NBAS: variants seen among roughly 807,000 people sequenced by gnomAD.
NBAS encodes NBAS subunit of NRZ tethering complex, also known as NAG/BC035112 fusion.
NBAS carries 219 observed loss-of-function variants against 302.5 expected under a neutral mutation model. The ratio of observed to expected loss-of-function variants is 0.72; its 90% confidence interval spans 0.65 to 0.81. NBAS has a LOEUF of 0.81. Among genes scored for constraint, NBAS ranks in the 30% least tolerant of loss-of-function variants. The pLI is 0.00. For missense variants in NBAS, 2,932 were observed against 2,841.6 expected (o/e 1.03, Z -0.72); for synonymous variants, 1,118 against 1,021.6 (o/e 1.09, Z -1.80).
chr2:14,998,027 T>C, the NBAS span, among the ~76,000 whole-genome samples: 1 of 152,208 alleles, frequency 6.6e-6, no homozygotes, highest in East Asian at 1.9e-4. Flanking sequence ...GATGGTCTAT[T>C]CTTTACACCC....
chr2:15,436,868 G>C (rs1285721692), intron 21 of NBAS, among the ~76,000 whole-genome samples: 1 of 152,068 alleles, frequency 6.6e-6, no homozygotes, highest in East Asian at 1.9e-4. Context: ...GGAATACCTG[G>C]CATTTATTTA....
intron 31 of NBAS, among the ~76,000 whole-genome samples, chr2:15,368,626 C>T (rs925689347): frequency 1.6e-4 from 24 of 152,180 alleles, no homozygotes; most frequent in Admixed American, 6.5e-5. Context: ...ATTGCTAATA[C>T]CTACATCTGA....
At chr2:15,453,350 G>C (rs1679106091) in intron 21 of NBAS, among the ~76,000 whole-genome samples, 1 of 152,198 alleles carries the variant, frequency 6.6e-6, no homozygotes, top group African/African-American at 2.4e-5. Context: ...TTATCACACT[G>C]TTTTGCAACA....
chr2:15,088,258 T>C, the NBAS span, among the ~76,000 whole-genome samples: 3 of 152,114 alleles, frequency 2.0e-5, no homozygotes, highest in African/African-American at 7.2e-5. Context: ...ATGAAGGAAT[T>C]TGAACTCCAT....
At chr2:15,321,161 A>G (rs1198662106) in intron 38 of NBAS, among the ~76,000 whole-genome samples, 1 of 152,248 alleles carries the variant, frequency 6.6e-6, no homozygotes, top group Non-Finnish European at 1.5e-5. Context: ...TCCTTATTTA[A>G]CAAATGGTGC....
chr2:15,020,601 C>T, the NBAS span, among the ~76,000 whole-genome samples: 816 of 152,190 alleles, frequency 5.4e-3, 4 homozygotes, highest in Non-Finnish European at 9.3e-3. Flanking sequence ...TGGACCAAGA[C>T]GCAGAGGAAA....
the NBAS span, among the ~76,000 whole-genome samples, chr2:14,843,118 C>G: frequency 6.6e-6 from 1 of 152,116 alleles, no homozygotes; most frequent in Non-Finnish European, 1.5e-5. Context: ...AATTCAACAT[C>G]CTTTTATCAT....
At chr2:15,075,172 A>G in the NBAS span, among the ~76,000 whole-genome samples, 1 of 152,238 alleles carries the variant, frequency 6.6e-6, no homozygotes. Context: ...ATTTTTGGTA[A>G]GTGATGAGAT....
At chr2:15,353,038 A>G (rs943789700) in intron 34 of NBAS, among the ~76,000 whole-genome samples, 1 of 152,048 alleles carries the variant, frequency 6.6e-6, no homozygotes, top group African/African-American at 2.4e-5. Context: ...ATGGGATGAA[A>G]ATGTGAATTC....
At chr2:15,141,382 C>T in the NBAS span, among the ~76,000 whole-genome samples, 95 of 152,208 alleles carry the variant, frequency 6.2e-4, no homozygotes, top group Non-Finnish European at 1.0e-3. Flanking sequence ...AATCACAGCA[C>T]CCGTTTTACA....
At chr2:15,063,110 G>A in the NBAS span, among the ~76,000 whole-genome samples, 255 of 152,242 alleles carry the variant, frequency 1.7e-3, 1 homozygote, top group African/African-American at 5.7e-3. Context: ...CATCCTTCTC[G>A]TGGAGTGTGG....
chr2:14,905,097 C>T, the NBAS span, among the ~76,000 whole-genome samples: 1 of 152,164 alleles, frequency 6.6e-6, no homozygotes, highest in Non-Finnish European at 1.5e-5. Flanking sequence ...CTGTTCCAGG[C>T]GCACTGGCAG....
chr2:15,441,577 A>G (rs1395708117), intron 21 of NBAS, among the ~76,000 whole-genome samples: 3 of 151,782 alleles, frequency 2.0e-5, no homozygotes, highest in African/African-American at 7.3e-5. Context: ...GACCATCGAG[A>G]CTAGGAAGAA....
chr2:14,781,751 A>AAG, the NBAS span, among the ~76,000 whole-genome samples: 1 of 151,790 alleles, frequency 6.6e-6, no homozygotes, highest in Non-Finnish European at 1.5e-5. Context: ...TGTGACAAAA[A>AAG]AAAAAAAAAC....
chr2:15,075,719 T>C, the NBAS span, among the ~76,000 whole-genome samples: 2 of 152,054 alleles, frequency 1.3e-5, no homozygotes, highest in Non-Finnish European at 2.9e-5. Flanking sequence ...TGATATATTA[T>C]GTGTAGTATG....
At chr2:15,228,813 T>C (rs1667250849) in intron 47 of NBAS, among the ~76,000 whole-genome samples, 1 of 151,868 alleles carries the variant, frequency 6.6e-6, no homozygotes, top group African/African-American at 2.4e-5. Context: ...TTGCTGGGAG[T>C]TGGGGAGCAG....
the NBAS span, among the ~76,000 whole-genome samples, chr2:14,938,908 A>G: frequency 6.6e-6 from 1 of 152,262 alleles, no homozygotes; most frequent in Non-Finnish European, 1.5e-5. Flanking sequence ...AGCAGAGTGT[A>G]TGCTTCAACC....
At chr2:15,010,198 C>T in the NBAS span, among the ~76,000 whole-genome samples, 1 of 152,080 alleles carries the variant, frequency 6.6e-6, no homozygotes, top group Admixed American at 6.5e-5. Flanking sequence ...GAAGAATTGT[C>T]TTCTAACACT....
the NBAS span, among the ~76,000 whole-genome samples, chr2:14,968,067 G>C: frequency 6.6e-6 from 1 of 152,102 alleles, no homozygotes; most frequent in Admixed American, 6.5e-5. Flanking sequence ...GGCCATTCTT[G>C]TACTTACTTG....
Sources: allele counts gnomAD v4.1 joint callset (sites outside exome capture counted in the v4.1 genomes callset), GRCh38; gene constraint gnomAD v4.1.1; transcripts MANE v1.5; gene names NCBI Gene and HGNC (gene_info 2026-07-23, HGNC 2026-07-21).